The following RBFOX1 variants were observed in gnomAD, a reference collection of about 807,000 sequenced individuals.
The protein encoded by RBFOX1 is RNA binding protein fox-1 homolog 1.
A neutral mutation model predicts 57.7 loss-of-function variants in RBFOX1; 8 were observed. That is an observed-to-expected ratio of 0.14 (90% confidence interval 0.08 to 0.25). The LOEUF (loss-of-function observed/expected upper bound fraction) is 0.25, where lower values mean the gene tolerates loss of function less well. Among genes scored for constraint, RBFOX1 ranks in the 10% least tolerant of loss-of-function variants. The pLI is 1.00. For synonymous variants in RBFOX1, 326 were observed against 222.4 expected, an observed-to-expected ratio of 1.47 and a Z score of -4.15; for missense variants, 611 against 548.5, an observed-to-expected ratio of 1.11 and a Z score of -1.14.
intron 3 of RBFOX1, among the ~76,000 whole-genome samples, chr16:5,711,454 T>C (rs1451244506): frequency 2.6e-5 from 4 of 152,222 alleles, no homozygotes; most frequent in Non-Finnish European, 5.9e-5. Flanking sequence ...GAGAACTTTT[T>C]CTCTGTCTGG....
intron 1 of RBFOX1, among the ~76,000 whole-genome samples, chr16:5,373,567 G>A (rs771760062): frequency 3.3e-5 from 5 of 151,514 alleles, no homozygotes; most frequent in African/African-American, 9.7e-5. Flanking sequence ...CGTACTTCCT[G>A]TACAGCCTGC....
At chr16:7,390,048 G>A (rs868257382) in intron 4 of RBFOX1, among the ~76,000 whole-genome samples, 2 of 152,270 alleles carry the variant, frequency 1.3e-5, no homozygotes, top group African/African-American at 2.4e-5. Context: ...AGGTGAAAAC[G>A]AAGCAAGCAC....
chr16:7,688,258 T>TGAGAGA (rs1468088533), intron 14 of RBFOX1, among the ~76,000 whole-genome samples: 1 of 128,326 alleles, frequency 7.8e-6, no homozygotes, highest in African/African-American at 3.0e-5. Context: ...TGTGTGTGTG[T>TGAGAGA]GTGAGAGAGA....
At chr16:6,041,028 CATA>C (rs1381098363) in intron 1 of RBFOX1, among the ~76,000 whole-genome samples, 1 of 152,094 alleles carries the variant, frequency 6.6e-6, no homozygotes, top group African/African-American at 2.4e-5. Context: ...TGGACAAATA[CATA>C]ATGTTACCCA....
intron 1 of RBFOX1, among the ~76,000 whole-genome samples, chr16:5,284,221 C>G (rs1231989898): frequency 6.6e-6 from 1 of 152,108 alleles, no homozygotes; most frequent in Non-Finnish European, 1.5e-5. Context: ...TCCATTAAAC[C>G]TCTTTCTTTT....
intron 3 of RBFOX1, among the ~76,000 whole-genome samples, chr16:6,976,263 A>C (rs566599810): frequency 5.3e-5 from 8 of 152,224 alleles, no homozygotes; most frequent in African/African-American, 1.9e-4. Flanking sequence ...CAGTTAAGAA[A>C]CTCACCTGTA....
intron 1 of RBFOX1, among the ~76,000 whole-genome samples, chr16:5,464,476 A>C (rs1336859760): frequency 6.6e-6 from 1 of 152,226 alleles, no homozygotes; most frequent in African/African-American, 2.4e-5. Flanking sequence ...CTAGTTGTGG[A>C]CTAAGCTCTC....
At chr16:5,894,449 A>G (rs1326915163) in intron 4 of RBFOX1, among the ~76,000 whole-genome samples, 1 of 151,832 alleles carries the variant, frequency 6.6e-6, no homozygotes, top group East Asian at 2.0e-4. Context: ...AATTTTTTGT[A>G]TTTTTAGTAG....
At chr16:6,859,130 C>CGTATAT (rs1238966168) in intron 3 of RBFOX1, among the ~76,000 whole-genome samples, 5 of 82,482 alleles carry the variant, frequency 6.1e-5, no homozygotes, top group African/African-American at 3.4e-4. Context: ...TATATATATA[C>CGTATAT]ATATATATAC....
At position 7,391,230 on chromosome 16, in the gene RBFOX1, A is replaced by G. The variant is rs1352665818; in HGVS notation, c.28-126917A>G. Among the ~76,000 whole-genome samples the G allele has an allele frequency of 2.6e-5, 4 of 152,086 alleles. No homozygotes were observed. In the East Asian group the frequency reaches 7.8e-4, roughly 30 times the overall value. On this transcript the variant is annotated intron_variant, in intron 4 of 15. Transcript: ENST00000550418. ...CCTTGGTGTTAATCCCATGGGGTGG[A>G]TTTTCTAGGCCAGTCTCTTTTTAGA... is the stretch of plus-strand genomic sequence containing the variant.
intron 3 of RBFOX1, among the ~76,000 whole-genome samples, chr16:6,864,581 T>C (rs897964585): frequency 1.2e-4 from 18 of 150,292 alleles, no homozygotes; most frequent in Non-Finnish European, 2.5e-4. Context: ...GCCTAATACA[T>C]CAAAACAGGC....
intron 4 of RBFOX1, among the ~76,000 whole-genome samples, chr16:7,446,078 G>C (rs184457910): frequency 2.0e-5 from 3 of 152,322 alleles, no homozygotes; most frequent in Admixed American, 6.5e-5. Context: ...TCTTGTCTGA[G>C]ATCTGGGTTA....
Position 5,393,849 on chromosome 16 carries a change from C to T in RBFOX1, c.220-73367C>T, listed in dbSNP as rs1596822140. The stretch of plus-strand genomic sequence containing the variant: ...TTTTTCATCTTCCCAAATAGAAGCC[C>T]CACACCCATTAAACACTAACTTCCC... On this transcript the variant is annotated intron_variant, in intron 1 of 2. Transcript: ENST00000585867. Among the ~76,000 whole-genome samples, 6 of 152,234 alleles carry T rather than the reference C, an allele frequency of 3.9e-5. No homozygotes were observed. In the Middle Eastern group the frequency reaches 0.017, roughly 432 times the overall value.
At chr16:6,617,140 A>G (rs750705230) in intron 2 of RBFOX1, among the ~76,000 whole-genome samples, 36 of 152,066 alleles carry the variant, frequency 2.4e-4, no homozygotes, top group Non-Finnish European at 2.4e-4. Flanking sequence ...AAGTGGTACA[A>G]GGAGAGGTCC....
At chr16:5,549,796 G>A (rs887219220) in intron 2 of RBFOX1, among the ~76,000 whole-genome samples, 4 of 152,158 alleles carry the variant, frequency 2.6e-5, no homozygotes, top group African/African-American at 9.7e-5. Flanking sequence ...GTTTGGAAGT[G>A]GATGTCTGAA....
chr16:6,921,028 G>A (rs1447587629), intron 3 of RBFOX1, among the ~76,000 whole-genome samples: 4 of 152,154 alleles, frequency 2.6e-5, no homozygotes, highest in Non-Finnish European at 4.4e-5. Context: ...ATCTCAAGTG[G>A]TTGTGGTGAA....
chr16:7,132,944 G>C (rs1209329033), intron 4 of RBFOX1, among the ~76,000 whole-genome samples: 1 of 152,136 alleles, frequency 6.6e-6, no homozygotes, highest in African/African-American at 2.4e-5. Context: ...TTTCACTTGT[G>C]ATTCTGATGA....
intron 4 of RBFOX1, among the ~76,000 whole-genome samples, chr16:7,107,777 TA>T (rs1169971317): frequency 6.6e-6 from 1 of 152,088 alleles, no homozygotes; most frequent in African/African-American, 2.4e-5. Flanking sequence ...AGAATAAAAG[TA>T]TTCTAATCTT....
chr16:6,933,572 G>C (rs548579961), intron 3 of RBFOX1, among the ~76,000 whole-genome samples: 3 of 152,306 alleles, frequency 2.0e-5, no homozygotes, highest in East Asian at 3.9e-4. Context: ...AATTATCCAG[G>C]TGTGGTGGCA....
Sources: gnomAD v4.1 joint callset for allele counts (sites outside exome capture counted in the v4.1 genomes callset) on GRCh38, gnomAD v4.1.1 for gene constraint, MANE v1.5 for transcripts, NCBI Gene and HGNC (gene_info 2026-07-23, HGNC 2026-07-21) for gene names.